TRPM3: variants seen among roughly 807,000 people sequenced by gnomAD.
TRPM3 encodes the protein transient receptor potential cation channel subfamily M member 3.
Under a neutral mutation model 181.2 loss-of-function variants are expected in TRPM3, and 77 were observed. That is an observed-to-expected ratio of 0.42 (90% CI 0.35 to 0.51). TRPM3 has a LOEUF of 0.51. Ranked by LOEUF, TRPM3 falls within the 20% of genes least tolerant of loss-of-function variation. TRPM3 has a pLI of 0.01. For synonymous variants in TRPM3, 745 were observed against 796.4 expected, an observed-to-expected ratio of 0.94 and a Z score of 1.09; for missense variants, 1,759 against 2,196.7, an observed-to-expected ratio of 0.80 and a Z score of 3.98.
chr9:71,327,688 A>G (rs1377402309), intron 1 of TRPM3, among the ~76,000 whole-genome samples: 1 of 152,248 alleles, frequency 6.6e-6, no homozygotes, highest in African/African-American at 2.4e-5. Context: ...ACTGTTCAAA[A>G]GAAGTTTCCT....
intron 8 of TRPM3, among the ~76,000 whole-genome samples, chr9:70,684,223 A>C (rs1301512451): frequency 6.6e-6 from 1 of 152,228 alleles, no homozygotes; most frequent in Admixed American, 6.5e-5. Context: ...GAGGAAAGGA[A>C]GATGGGTAAA....
intron 1 of TRPM3, among the ~76,000 whole-genome samples, chr9:71,231,118 C>A (rs1179656459): frequency 6.6e-6 from 1 of 152,124 alleles, no homozygotes; most frequent in Non-Finnish European, 1.5e-5. Flanking sequence ...TTATGATCCC[C>A]TCAAAGATAG....
intron 1 of TRPM3, among the ~76,000 whole-genome samples, chr9:71,015,702 C>A (rs562946523): frequency 1.3e-5 from 2 of 152,072 alleles, no homozygotes; most frequent in Non-Finnish European, 2.9e-5. Flanking sequence ...AATTGATAAT[C>A]CAAAACGTTC....
chr9:70,933,416 A>G (rs2096794367), intron 1 of TRPM3, among the ~76,000 whole-genome samples: 2 of 152,202 alleles, frequency 1.3e-5, no homozygotes, highest in Non-Finnish European at 2.9e-5. Context: ...AAGTATCCAG[A>G]GAACTGGGAA....
At chr9:70,549,720 G>A (rs1367270700) in intron 24 of TRPM3, 46 bp from the exon 25 acceptor site, 1 of 1,557,094 alleles carries the variant, frequency 6.4e-7, no homozygotes, top group East Asian at 2.3e-5. Flanking sequence ...AGAAGTAAAA[G>A]CGATGGCATC....
At chr9:70,893,448 A>G (rs1391266751) in intron 1 of TRPM3, among the ~76,000 whole-genome samples, 1 of 152,204 alleles carries the variant, frequency 6.6e-6, no homozygotes, top group Admixed American at 6.5e-5. Flanking sequence ...TAAATGATAA[A>G]ACACTATATA....
chr9:71,374,717 G>T (rs1317048424), intron 1 of TRPM3, among the ~76,000 whole-genome samples: 1 of 152,134 alleles, frequency 6.6e-6, no homozygotes, highest in Non-Finnish European at 1.5e-5. Context: ...CAGCCCAAAA[G>T]CTCCTTAAGC....
intron 1 of TRPM3, among the ~76,000 whole-genome samples, chr9:71,068,320 C>A (rs1356632639): frequency 1.3e-5 from 2 of 152,164 alleles, no homozygotes; most frequent in Non-Finnish European, 2.9e-5. Flanking sequence ...CTACAGAGGA[C>A]TGTACTTTCT....
At chr9:71,386,176 C>T (rs539061763) in intron 1 of TRPM3, among the ~76,000 whole-genome samples, 24 of 151,384 alleles carry the variant, frequency 1.6e-4, no homozygotes, top group Non-Finnish European at 2.8e-4. Flanking sequence ...ACAAGCCAAG[C>T]GTGGTGGCTC....
chr9:70,998,457 CT>C (rs1297801091), intron 1 of TRPM3, among the ~76,000 whole-genome samples: 2 of 151,984 alleles, frequency 1.3e-5, no homozygotes, highest in African/African-American at 2.4e-5. Flanking sequence ...TGAACACCCC[CT>C]GAGGGAGGTG....
In TRPM3 at chr9:70,535,918, A is replaced by G; in HGVS notation, c.*35T>C. On this transcript the variant is annotated 3_prime_UTR_variant, in exon 26 of 26. Coordinates refer to ENST00000677713, the MANE Select transcript of TRPM3 (RefSeq NM_001366145.2). Reference sequence around the variant, plus strand: ...GAGTTGGAGAGAATTTTAGGGCTGGATTCTTGAGCCTTCTGTGGCGGATAT... The same window carrying G: ...GAGTTGGAGAGAATTTTAGGGCTGGGTTCTTGAGCCTTCTGTGGCGGATAT... The G allele has an allele frequency of 6.5e-7, 1 of 1,537,712 alleles. No homozygotes were observed. The highest frequency in any genetic ancestry group is 8.7e-7 in the Non-Finnish European group (1 of 1,145,424).
chr9:70,575,645 T>C (rs1461593952), intron 22 of TRPM3, among the ~76,000 whole-genome samples: 1 of 152,218 alleles, frequency 6.6e-6, no homozygotes, highest in Non-Finnish European at 1.5e-5. Context: ...AATGCTCTTT[T>C]TCTGGGCTGT....
At chr9:71,358,210 C>T (rs1012626343) in intron 1 of TRPM3, among the ~76,000 whole-genome samples, 4 of 152,092 alleles carry the variant, frequency 2.6e-5, no homozygotes, top group African/African-American at 9.7e-5. Flanking sequence ...ACTTATTTTG[C>T]TATCAATCAT....
chr9:71,232,491 C>CTTTTTTTTTTTTTTTTTT, intron 1 of TRPM3, among the ~76,000 whole-genome samples: 1 of 59,126 alleles, frequency 1.7e-5, no homozygotes. Context: ...AATTCAGTGT[C>CTTTTTTTTTTTTTTTTTT]TTTTTTTTTT....
chr9:71,060,782 A>G (rs546115896), intron 1 of TRPM3, among the ~76,000 whole-genome samples: 49 of 152,250 alleles, frequency 3.2e-4, no homozygotes, highest in Admixed American at 2.0e-3. Context: ...CTTTCATTAA[A>G]CTAACACTGG....
intron 1 of TRPM3, among the ~76,000 whole-genome samples, chr9:71,115,796 AGAACTCTCCAGAGAGACAG>A (rs953369371): frequency 2.6e-5 from 4 of 152,174 alleles, no homozygotes; most frequent in Admixed American, 6.5e-5. Context: ...ATCAGGAGAC[AGAACTCTCCAGAGAGACAG>A]GAGGGTTTCT....
intron 1 of TRPM3, among the ~76,000 whole-genome samples, chr9:71,066,770 A>G (rs2061982805): frequency 6.6e-6 from 1 of 152,152 alleles, no homozygotes; most frequent in Non-Finnish European, 1.5e-5. Flanking sequence ...TATTCTTCAG[A>G]CCACCTTTTC....
chr9:70,545,316 C>T (rs1271544281), intron 25 of TRPM3, among the ~76,000 whole-genome samples: 1 of 152,110 alleles, frequency 6.6e-6, no homozygotes, highest in East Asian at 1.9e-4. Flanking sequence ...TAGGCTCTAA[C>T]AACACAGGGA....
chr9:71,340,002 G>A (rs545159734), intron 1 of TRPM3, among the ~76,000 whole-genome samples: 1 of 152,224 alleles, frequency 6.6e-6, no homozygotes, highest in South Asian at 2.1e-4. Flanking sequence ...ACTGACCTAA[G>A]TAACTTTGAA....
Sources: gnomAD v4.1 joint callset for allele counts (sites outside exome capture counted in the v4.1 genomes callset) on GRCh38, gnomAD v4.1.1 for gene constraint, MANE v1.5 for transcripts, NCBI Gene and HGNC (gene_info 2026-07-23, HGNC 2026-07-21) for gene names.